SLX4IP: variants seen among roughly 807,000 people sequenced by gnomAD.
SLX4IP encodes the protein SLX4 interacting protein.
A neutral mutation model predicts 32.9 loss-of-function variants in SLX4IP; 34 were observed. The observed-to-expected ratio is 1.03, with a 90% confidence interval of 0.79 to 1.38. SLX4IP has a LOEUF of 1.38. Ranked by LOEUF, SLX4IP falls within the 40% of genes most tolerant of loss-of-function variation. The pLI, the probability that SLX4IP is intolerant of heterozygous loss-of-function variation, is 0.00. For synonymous variants in SLX4IP, 172 were observed against 171.7 expected, an observed-to-expected ratio of 1.00 and a Z score of -0.01; for missense variants, 444 against 479.0, an observed-to-expected ratio of 0.93 and a Z score of 0.68.
intron 2 of SLX4IP, among the ~76,000 whole-genome samples, chr20:10,476,380 A>G (rs1292342181): frequency 6.6e-6 from 1 of 152,156 alleles, no homozygotes; most frequent in Non-Finnish European, 1.5e-5. Flanking sequence ...GAGTGTGCAT[A>G]TTTGCTTTTG....
intron 6 of SLX4IP, among the ~76,000 whole-genome samples, chr20:10,606,598 A>G (rs1344496878): frequency 1.3e-5 from 2 of 152,214 alleles, no homozygotes; most frequent in African/African-American, 2.4e-5. Flanking sequence ...ATTTTCCACA[A>G]TGTTATGAAC....
chr20:10,508,143 C>T (rs967668414), intron 2 of SLX4IP, among the ~76,000 whole-genome samples: 2 of 152,172 alleles, frequency 1.3e-5, no homozygotes, highest in African/African-American at 4.8e-5. Context: ...TATGAGAGGA[C>T]ACTTGGCAGG....
intron 2 of SLX4IP, among the ~76,000 whole-genome samples, chr20:10,465,632 A>G (rs2065374450): frequency 6.6e-6 from 1 of 152,112 alleles, no homozygotes; most frequent in Non-Finnish European, 1.5e-5. Flanking sequence ...CAGCCTCCCA[A>G]GTAGCTGGGA....
intron 2 of SLX4IP, among the ~76,000 whole-genome samples, chr20:10,524,082 G>A (rs1182156473): frequency 1.3e-5 from 2 of 152,248 alleles, no homozygotes; most frequent in African/African-American, 4.8e-5. Flanking sequence ...ACTCTGCACT[G>A]GGAGGCGTAG....
In SLX4IP at chr20:10,518,977, G is replaced by A. The variant is rs535533112; in HGVS notation, c.28-37254G>A. ...GATATTCTTTCCTGCCTGGTGTTCTGAAAGTAACATTGTTATAAATTAATT... is the reference window on the plus strand; with the variant it reads ...GATATTCTTTCCTGCCTGGTGTTCTAAAAGTAACATTGTTATAAATTAATT... On this transcript the variant is annotated intron_variant, in intron 2 of 7. Transcript: ENST00000334534. Among the ~76,000 whole-genome samples the A allele has an allele frequency of 9.8e-5, 15 of 152,310 alleles. No homozygotes were observed. In the East Asian group the frequency reaches 2.7e-3, roughly 27 times the overall value.
chr20:10,444,340 T>A (rs2065183365), intron 1 of SLX4IP, among the ~76,000 whole-genome samples: 1 of 152,136 alleles, frequency 6.6e-6, no homozygotes, highest in South Asian at 2.1e-4. Flanking sequence ...ACGTTTAAGA[T>A]CAAGGCACCA....
intron 1 of SLX4IP, among the ~76,000 whole-genome samples, chr20:10,453,438 C>T (rs2065259853): frequency 6.6e-6 from 1 of 152,078 alleles, no homozygotes; most frequent in African/African-American, 2.4e-5. Flanking sequence ...TTCACCAGAT[C>T]CTCAGCTTTG....
intron 1 of SLX4IP, among the ~76,000 whole-genome samples, chr20:10,446,411 CAAA>C (rs36181096): frequency 0.081 from 9,060 of 112,218 alleles, 326 homozygotes; most frequent in African/African-American, 0.11. Flanking sequence ...GACTCTGTCT[CAAA>C]AAAAAAAAAA....
rs577115823 is a variant in SLX4IP at position 10,566,115 on chromosome 20, CTATT to C, written c.238+5301_238+5304del. On this transcript the variant is annotated intron_variant, in intron 4 of 7. Transcript: ENST00000334534. ...AGTTGATGTTTGTATCTTCCCTCCT[CTATT>C]TATTTTGTATTCCCTGTGTTCTTCG... Among the ~76,000 whole-genome samples, 38 of 152,226 alleles carry C rather than the reference CTATT, an allele frequency of 2.5e-4. 1 individual carries two copies. In the South Asian group the frequency reaches 7.7e-3, roughly 31 times the overall value.
intron 2 of SLX4IP, among the ~76,000 whole-genome samples, chr20:10,480,360 A>G (rs1329128684): frequency 2.0e-5 from 3 of 151,944 alleles, no homozygotes; most frequent in African/African-American, 7.3e-5. Flanking sequence ...TGATTGAGCT[A>G]CTACACTCTA....
intron 2 of SLX4IP, among the ~76,000 whole-genome samples, chr20:10,470,533 T>A (rs577185017): frequency 2.0e-5 from 3 of 152,334 alleles, no homozygotes; most frequent in African/African-American, 7.2e-5. Flanking sequence ...ACAAAAACAC[T>A]GATTTTCAGA....
At chr20:10,526,769 G>A (rs1482631852) in intron 2 of SLX4IP, among the ~76,000 whole-genome samples, 1 of 152,094 alleles carries the variant, frequency 6.6e-6, no homozygotes, top group East Asian at 1.9e-4. Flanking sequence ...TGGGCAATAT[G>A]GTAAAATCTT....
At chr20:10,505,517 T>A (rs886317989) in intron 2 of SLX4IP, among the ~76,000 whole-genome samples, 1 of 152,246 alleles carries the variant, frequency 6.6e-6, no homozygotes, top group Non-Finnish European at 1.5e-5. Flanking sequence ...CCTGGGAGGT[T>A]GCACAAGGCT....
intron 2 of SLX4IP, among the ~76,000 whole-genome samples, chr20:10,511,849 T>A (rs1354274186): frequency 1.3e-5 from 2 of 152,168 alleles, no homozygotes; most frequent in South Asian, 4.2e-4. Context: ...GACCATTCCA[T>A]GTGTAATAAT....
At chr20:10,575,353 AT>A (rs1240778120) in intron 4 of SLX4IP, among the ~76,000 whole-genome samples, 3 of 152,004 alleles carry the variant, frequency 2.0e-5, no homozygotes, top group Admixed American at 2.0e-4. Flanking sequence ...CTGGTTTTAT[AT>A]TGTCTGAACG....
intron 6 of SLX4IP, chr20:10,613,718 A>C: frequency 6.2e-7 from 1 of 1,613,244 alleles, no homozygotes; most frequent in Non-Finnish European, 8.5e-7. Flanking sequence ...CTCCGGCGTC[A>C]ATAGCTTGCT....
chr20:10,450,143 G>A (rs1439011390), intron 1 of SLX4IP, among the ~76,000 whole-genome samples: 2 of 152,104 alleles, frequency 1.3e-5, no homozygotes, highest in South Asian at 2.1e-4. Context: ...AGGAAAAAAA[G>A]TACATATGGG....
intron 2 of SLX4IP, among the ~76,000 whole-genome samples, chr20:10,506,567 CAAG>C (rs1201711327): frequency 6.6e-6 from 1 of 152,176 alleles, no homozygotes; most frequent in Non-Finnish European, 1.5e-5. Flanking sequence ...ATCAGGTAAA[CAAG>C]AAGATGTTTA....
At chr20:10,472,201 G>A (rs2065429760) in intron 2 of SLX4IP, among the ~76,000 whole-genome samples, 1 of 150,884 alleles carries the variant, frequency 6.6e-6, no homozygotes, top group South Asian at 2.1e-4. Flanking sequence ...GTTTCTAAGG[G>A]CCTGTCAAAC....
Sources: allele counts gnomAD v4.1 joint callset (sites outside exome capture counted in the v4.1 genomes callset), GRCh38; gene constraint gnomAD v4.1.1; transcripts MANE v1.5; gene names NCBI Gene and HGNC (gene_info 2026-07-23, HGNC 2026-07-21).